Variants in SPAG16 observed in about 807,000 individuals in gnomAD.
SPAG16 encodes sperm associated antigen 16, also known as sperm-associated antigen 16 protein.
In SPAG16, 86 loss-of-function variants were observed where a neutral mutation model predicts 80.4. The ratio of observed to expected loss-of-function variants is 1.07; its 90% CI spans 0.90 to 1.28. The LOEUF (loss-of-function observed/expected upper bound fraction) is 1.28, where lower values mean the gene tolerates loss of function less well. Ranked by LOEUF, SPAG16 falls within the 50% of genes most tolerant of loss-of-function variation. SPAG16 has a pLI of 0.00. For missense variants in SPAG16, 870 were observed against 765.3 expected (o/e 1.14, Z -1.61); for synonymous variants, 294 against 265.9 (o/e 1.11, Z -1.03).
chr2:214,121,460 C>T (rs1408916582), intron 14 of SPAG16, among the ~76,000 whole-genome samples: 1 of 151,736 alleles, frequency 6.6e-6, no homozygotes, highest in Non-Finnish European at 1.5e-5. Context: ...ATATTTTTCT[C>T]CTATTGGTAC....
chr2:214,265,846 C>T (rs572880207), intron 15 of SPAG16, among the ~76,000 whole-genome samples: 1 of 152,016 alleles, frequency 6.6e-6, no homozygotes, highest in East Asian at 1.9e-4. Flanking sequence ...TCAAAGGGGC[C>T]TTTCCTAATC....
At chr2:213,476,514 G>T (rs1045995441) in intron 9 of SPAG16, among the ~76,000 whole-genome samples, 2 of 152,182 alleles carry the variant, frequency 1.3e-5, no homozygotes, top group Admixed American at 1.3e-4. Context: ...CTCTTAACTG[G>T]CTGACAAAGG....
intron 10 of SPAG16, among the ~76,000 whole-genome samples, chr2:213,610,509 C>T (rs1267903521): frequency 6.6e-6 from 1 of 152,184 alleles, no homozygotes; most frequent in Non-Finnish European, 1.5e-5. Context: ...ACCTTTTTAT[C>T]ACCATAACCT....
chr2:213,432,635 T>C (rs1320595708), intron 9 of SPAG16, among the ~76,000 whole-genome samples: 1 of 152,006 alleles, frequency 6.6e-6, no homozygotes, highest in Non-Finnish European at 1.5e-5. Flanking sequence ...CAGGAGAAGA[T>C]AGTTTGAAAT....
chr2:213,402,329 T>C (rs1052207750), intron 9 of SPAG16, among the ~76,000 whole-genome samples: 3 of 152,248 alleles, frequency 2.0e-5, no homozygotes, highest in African/African-American at 7.2e-5. Context: ...TTATACTATC[T>C]AATTCTATCT....
chr2:213,404,191 G>A (rs1454484888), intron 9 of SPAG16, among the ~76,000 whole-genome samples: 2 of 152,062 alleles, frequency 1.3e-5, no homozygotes, highest in African/African-American at 4.8e-5. Flanking sequence ...TTTCTTCACA[G>A]AATTGGAAAA....
intron 10 of SPAG16, among the ~76,000 whole-genome samples, chr2:213,557,551 G>A (rs748142719): frequency 6.6e-6 from 1 of 152,000 alleles, no homozygotes; most frequent in African/African-American, 2.4e-5. Context: ...AAATTAGAAT[G>A]AAAAGTAAAG....
chr2:214,400,825 G>T (rs928265586), intron 15 of SPAG16, among the ~76,000 whole-genome samples: 3 of 151,948 alleles, frequency 2.0e-5, no homozygotes, highest in African/African-American at 7.2e-5. Context: ...AGATACTGAA[G>T]GCTTCCCTTC....
At chr2:213,639,438 G>T (rs527339353) in intron 10 of SPAG16, among the ~76,000 whole-genome samples, 2 of 152,094 alleles carry the variant, frequency 1.3e-5, no homozygotes, top group Admixed American at 1.3e-4. Flanking sequence ...TGCTGGCTTC[G>T]TAGTGCTGAA....
intron 13 of SPAG16, among the ~76,000 whole-genome samples, chr2:214,063,229 A>T (rs2050369966): frequency 6.6e-6 from 1 of 152,226 alleles, no homozygotes; most frequent in Non-Finnish European, 1.5e-5. Context: ...CTCTCCAGGC[A>T]CATTGGTTTC....
chr2:213,974,253 C>A (rs116688844), intron 12 of SPAG16, among the ~76,000 whole-genome samples: 4,722 of 152,120 alleles, frequency 0.031, 242 homozygotes, highest in African/African-American at 0.11. Flanking sequence ...ATTTAAGCTC[C>A]TGCTTCAGAA....
chr2:213,937,159 A>C (rs1308888547), intron 12 of SPAG16, among the ~76,000 whole-genome samples: 2 of 152,080 alleles, frequency 1.3e-5, no homozygotes, highest in East Asian at 3.8e-4. Context: ...TTATAACACA[A>C]AATGTTCCGT....
At chr2:213,856,353 G>C (rs907613421) in intron 10 of SPAG16, among the ~76,000 whole-genome samples, 1 of 152,194 alleles carries the variant, frequency 6.6e-6, no homozygotes, top group Non-Finnish European at 1.5e-5. Context: ...GGTATTGAGT[G>C]TCTGTAGCTT....
At chr2:214,132,198 T>G (rs1397565772) in intron 14 of SPAG16, among the ~76,000 whole-genome samples, 1 of 152,224 alleles carries the variant, frequency 6.6e-6, no homozygotes, top group African/African-American at 2.4e-5. Context: ...GCTTTGACTT[T>G]CCAGGTATGG....
intron 13 of SPAG16, among the ~76,000 whole-genome samples, chr2:214,017,244 G>A (rs949883765): frequency 6.6e-6 from 1 of 152,092 alleles, no homozygotes; most frequent in African/African-American, 2.4e-5. Context: ...TCTCCTCCTT[G>A]CTTTAAAATA....
intron 15 of SPAG16, among the ~76,000 whole-genome samples, chr2:214,355,717 T>C (rs533064675): frequency 6.6e-6 from 1 of 152,106 alleles, no homozygotes; most frequent in African/African-American, 2.4e-5. Flanking sequence ...TAAAGGCACA[T>C]GCACACGTAT....
intron 1 of SPAG16, among the ~76,000 whole-genome samples, chr2:213,286,947 GA>G (rs963963180): frequency 6.6e-6 from 1 of 152,144 alleles, no homozygotes; most frequent in Non-Finnish European, 1.5e-5. Flanking sequence ...CTGGGTTCAG[GA>G]AAAAGAGTTC....
intron 9 of SPAG16, among the ~76,000 whole-genome samples, chr2:213,474,047 C>A (rs2073240147): frequency 1.3e-5 from 2 of 152,182 alleles, no homozygotes; most frequent in African/African-American, 4.8e-5. Flanking sequence ...AGGCTGATGG[C>A]AGCATGGGTT....
At chr2:213,479,094 CTTTTTTTTTT>C (rs148476714) in intron 9 of SPAG16, among the ~76,000 whole-genome samples, 1 of 94,328 alleles carries the variant, frequency 1.1e-5, no homozygotes, top group Non-Finnish European at 1.9e-5. Flanking sequence ...CACTGGCTTC[CTTTTTTTTTT>C]TTTTTTTTTT....
Sources: gnomAD v4.1 joint callset for allele counts (sites outside exome capture counted in the v4.1 genomes callset) on GRCh38, gnomAD v4.1.1 for gene constraint, MANE v1.5 for transcripts, NCBI Gene and HGNC (gene_info 2026-07-23, HGNC 2026-07-21) for gene names.